The following PC variants were observed in gnomAD, a reference collection of about 807,000 sequenced individuals.
PC encodes pyruvate carboxylase, mitochondrial.
In PC, 46 loss-of-function variants were observed where a neutral mutation model predicts 107.8. The observed-to-expected ratio is 0.43, with a 90% confidence interval of 0.34 to 0.55. The LOEUF is 0.55. Ranked by LOEUF, PC falls within the 20% of genes least tolerant of loss-of-function variation. The pLI is 0.04. For synonymous variants in PC, 662 were observed against 684.7 expected (o/e 0.97, Z 0.52); for missense variants, 1,241 against 1,643.1 (o/e 0.76, Z 4.23).
chr11:66,852,195 C>G lies in PC; in HGVS notation c.1825+244G>C, dbSNP rs1945542680. On this transcript the variant is annotated intron_variant, in intron 15 of 22. Transcript: ENST00000393960. The surrounding 1 kb of genome is among the most constrained non-coding windows in gnomAD (Gnocchi z 4.7). ...CCATCTTCTCCTCTACCTCTCTGTG[C>G]TATAATTAACAGGCAGGTGTCTCCT... 1.3e-5 allele frequency among the ~76,000 whole-genome samples: 2 copies of G among 152,244 alleles called. 1 individual carries two copies. Among genetic ancestry groups the G allele is most frequent in the Admixed American group, 1.3e-4 (2 of 15,288 alleles).
intron 3 of PC, among the ~76,000 whole-genome samples, chr11:66,904,139 G>A (rs1228134457): frequency 2.0e-5 from 3 of 152,100 alleles, no homozygotes; most frequent in African/African-American, 7.2e-5. Flanking sequence ...CTTTTACACA[G>A]AGCATGGGGC....
In PC at chr11:66,870,849, G is replaced by C. The variant is rs1287928443; in HGVS notation, c.677C>G (p.Ala226Gly). ...NYTRAYSEAL[A>G]AFGNGALFVE... is the part of the protein sequence containing the mutation. ...AAACAGCGCCCCATTCCCAAAGGCGGCCAGAGCCTCTGAGTAGGCCCGGGT... is the reference window on the plus strand; with the variant it reads ...AAACAGCGCCCCATTCCCAAAGGCGCCCAGAGCCTCTGAGTAGGCCCGGGT... The change falls in exon 8 of 23, where the codon GCC (alanine) becomes GGC (glycine). Residue 226 changes from alanine (A) to glycine (G), a missense_variant. Ala to Gly is a moderately conservative substitution (Grantham distance 60). Transcript: ENST00000393960. This position sits in a 1 kb window ranked among gnomAD's most constrained non-coding sequence, Gnocchi z 6.1. 1 of 1,613,498 alleles carries C rather than the reference G, an allele frequency of 6.2e-7. No individual in the cohort carries two copies. The highest frequency in any genetic ancestry group is 1.7e-5 in the Admixed American group (1 of 60,034).
chr11:66,857,665 G>T lies in PC; in HGVS notation c.1369-4282C>A. 2 of 1,443,288 alleles carry T rather than the reference G, an allele frequency of 1.4e-6. No individual in the cohort carries two copies. The highest frequency in any genetic ancestry group is 2.8e-5 in the South Asian group (2 of 72,708). 89.4% of individuals were successfully genotyped at this position (1,443,288 alleles called of 1,614,324 possible). A position where few individuals can be genotyped will look rare whatever the true frequency, so the allele number is the denominator to read the frequency against. ...CAGGCTCACAGAAGCTGGCTTCTGG[G>T]ACTGTCCTGGGCCCAAGTGGGCACC... is the stretch of plus-strand genomic sequence containing the variant. On this transcript the variant is annotated intron_variant, in intron 12 of 22. Coordinates refer to ENST00000393960, the MANE Select transcript of PC (RefSeq NM_001040716.2). This position sits in a 1 kb window ranked among gnomAD's most constrained non-coding sequence, Gnocchi z 7.1.
At chr11:66,906,938 A>G (rs1331050683) in intron 3 of PC, among the ~76,000 whole-genome samples, 1 of 152,244 alleles carries the variant, frequency 6.6e-6, no homozygotes, top group Non-Finnish European at 1.5e-5. Context: ...CATGTTGAAC[A>G]GAGCATGACC....
intron 12 of PC, chr11:66,856,928 C>G (rs1010432073): frequency 1.4e-5 from 2 of 146,710 alleles, no homozygotes; most frequent in Admixed American, 1.3e-4. Context: ...GGGCCTCGGG[C>G]GTGACTGGGC....
chr11:66,936,421 A>AT (rs1344965364), intron 3 of PC, among the ~76,000 whole-genome samples: 1 of 152,200 alleles, frequency 6.6e-6, no homozygotes, highest in African/African-American at 2.4e-5. Context: ...GTATTTGCTG[A>AT]CGTCTTGATG....
intron 13 of PC, 173 bp downstream of exon 13, chr11:66,853,066 G>A (rs905823071): frequency 1.2e-5 from 9 of 737,068 alleles, no homozygotes; most frequent in Non-Finnish European, 1.8e-5. Context: ...AGCAAGGAGA[G>A]CAGTGAATGG....
Position 66,866,134 on chromosome 11 carries a change from C to A in PC, c.1185+53G>T. Reference sequence around the variant, plus strand: ...TGGCACTGCAGCCCCAGGCACCAGGCAGAACCTGTGCACAGGTGAGCTGGC... The same window carrying A: ...TGGCACTGCAGCCCCAGGCACCAGGAAGAACCTGTGCACAGGTGAGCTGGC... On this transcript the variant is annotated intron_variant, in intron 11 of 22. Coordinates refer to ENST00000393960, the MANE Select transcript of PC (RefSeq NM_001040716.2). This position sits in a 1 kb window ranked among gnomAD's most constrained non-coding sequence, Gnocchi z 5.4. 6.3e-7 allele frequency: 1 copy of A among 1,577,334 alleles called. No individual in the cohort carries two copies. The highest frequency in any genetic ancestry group is 8.6e-7 in the Non-Finnish European group (1 of 1,162,536).
Position 66,849,812 on chromosome 11 carries a change from G to A in PC, c.2946C>T (p.Leu982=), listed in dbSNP as rs2135790495. 1 of 1,613,986 alleles carries A rather than the reference G, an allele frequency of 6.2e-7. No individual in the cohort carries two copies. Among genetic ancestry groups the A allele is most frequent in the Non-Finnish European group, 8.5e-7 (1 of 1,180,008 alleles). Residue 982 remains leucine (L), a synonymous_variant, in exon 21 of 23, where the codon CTC becomes CTT. Coordinates refer to ENST00000393960, the MANE Select transcript of PC (RefSeq NM_001040716.2). The part of the protein sequence containing the change: ...PRVEGRPGAS[L]PPLDLQALEK... ...CCAGTGCCTGCAGATCCAGGGGAGG[G>A]AGGGAGGCTCCAGGCCGCCCCTCCA...
chr11:66,931,875 C>T (rs1238923335), intron 3 of PC, among the ~76,000 whole-genome samples: 1 of 151,928 alleles, frequency 6.6e-6, no homozygotes, highest in Non-Finnish European at 1.5e-5. Context: ...AAACATTAGC[C>T]GGGCATAGTG....
intron 3 of PC, among the ~76,000 whole-genome samples, chr11:66,902,456 T>C (rs943425732): frequency 4.6e-5 from 7 of 152,148 alleles, no homozygotes; most frequent in African/African-American, 1.4e-4. Flanking sequence ...ATTGTAAGCA[T>C]GGAAAGACAC....
At position 66,857,762 on chromosome 11, in the gene PC, G is replaced by A. The variant is rs773296677; in HGVS notation, c.1369-4379C>T. ...CGCTCACCATGGCCCCGCCGCTCCT[G>A]CTGCTGCTGCTGGCCAGTGGAGCGG... On this transcript the variant is annotated intron_variant, in intron 12 of 22. Coordinates refer to ENST00000393960, the MANE Select transcript of PC (RefSeq NM_001040716.2). The surrounding 1 kb of genome is among the most constrained non-coding windows in gnomAD (Gnocchi z 7.1). 2 of 1,560,378 alleles carry A rather than the reference G, an allele frequency of 1.3e-6. No homozygotes were observed. The highest frequency in any genetic ancestry group is 1.7e-6 in the Non-Finnish European group (2 of 1,153,990).
At chr11:66,947,137 CA>C (rs1271711303) in intron 3 of PC, among the ~76,000 whole-genome samples, 4 of 152,114 alleles carry the variant, frequency 2.6e-5, no homozygotes, top group Non-Finnish European at 5.9e-5. Context: ...CACTCCTAGG[CA>C]TTTACCCAAG....
At chr11:66,943,208 A>T (rs1271112219) in intron 3 of PC, among the ~76,000 whole-genome samples, 1 of 151,516 alleles carries the variant, frequency 6.6e-6, no homozygotes, top group Non-Finnish European at 1.5e-5. Context: ...CGAGCTGGCC[A>T]TGGTGGCTGG....
Position 66,850,118 on chromosome 11 carries a change from TGAG to T in PC, c.2719-5_2719-3del, listed in dbSNP as rs566558597. On this transcript the variant is annotated splice_polypyrimidine_tract_variant and splice_region_variant and intron_variant, in intron 19 of 22. Transcript: ENST00000393960. The stretch of plus-strand genomic sequence containing the variant: ...CACGATCTTGGAGGAGGGCGTCACC[TGAG>T]GAGAAGGCCCTGGAGGTTAGGGTGC... The T allele has an allele frequency of 1.9e-4, 307 of 1,613,728 alleles. 2 individuals carry two copies. The South Asian group carries it at 2.4e-3, about 12-fold the overall frequency.
rs1945590599 is a variant in PC, at chr11:66,852,904, G to A, written c.1514-68C>T. The A allele has an allele frequency of 8.3e-7, 1 of 1,205,096 alleles. No individual in the cohort carries two copies. The highest frequency in any genetic ancestry group is 1.5e-5 in the African/African-American group (1 of 66,150). The allele number at this position is 1,205,096 out of a possible 1,614,324, so 74.7% of individuals were successfully genotyped here. A position where few individuals can be genotyped will look rare whatever the true frequency, so the allele number is the denominator to read the frequency against. ...GGCTGAGTCGAGGGCAGCAGTGAGA[G>A]TGGCTGGGCTCAGGGACAGGGACAC... On this transcript the variant is annotated intron_variant, in intron 13 of 22. Transcript: ENST00000393960. The surrounding 1 kb of genome is among the most constrained non-coding windows in gnomAD (Gnocchi z 4.7).
chr11:66,849,527 AGGCTGG>A, intron 21 of PC, 78 bp downstream of exon 21: 1 of 1,610,530 alleles, frequency 6.2e-7, no homozygotes, highest in Non-Finnish European at 8.5e-7. Flanking sequence ...AAAGCTTGCG[AGGCTGG>A]GTGACAGCCA....
chr11:66,902,748 CTG>C (rs1303335252), intron 3 of PC, among the ~76,000 whole-genome samples: 1 of 152,216 alleles, frequency 6.6e-6, no homozygotes, highest in African/African-American at 2.4e-5. Context: ...ACAGTCACAC[CTG>C]TGTGTCCCCC....
chr11:66,849,570 G>C (rs1362399450), intron 21 of PC, 41 bp downstream of exon 21: 1 of 1,613,838 alleles, frequency 6.2e-7, no homozygotes, highest in Non-Finnish European at 8.5e-7. Context: ...TCTGGGGCAG[G>C]GGGCCAGGGT....
Sources: allele counts gnomAD v4.1 joint callset (sites outside exome capture counted in the v4.1 genomes callset), GRCh38; gene constraint gnomAD v4.1.1; non-coding constraint Gnocchi (gnomAD v3.1); transcripts MANE v1.5; gene names NCBI Gene and HGNC (gene_info 2026-07-23, HGNC 2026-07-21).